GABPB1: variants seen among roughly 807,000 people sequenced by gnomAD.
The protein encoded by GABPB1 is GA-binding protein subunit beta-1.
GABPB1 carries 15 observed loss-of-function variants against 45.9 expected under a neutral mutation model. The ratio of observed to expected loss-of-function variants is 0.33; its 90% CI spans 0.22 to 0.50. The LOEUF (loss-of-function observed/expected upper bound fraction) is 0.50. GABPB1 is among the 20% of genes least tolerant of loss of function. The probability of loss-of-function intolerance (pLI) is 0.98; values close to 1 mark genes in which losing one functional copy is unlikely to be tolerated. For synonymous variants in GABPB1, 143 were observed against 154.4 expected (o/e 0.93, Z 0.55); for missense variants, 252 against 457.5 (o/e 0.55, Z 4.10).
At chr15:50,296,797 A>G (rs907823667) in intron 6 of GABPB1, among the ~76,000 whole-genome samples, 1 of 152,188 alleles carries the variant, frequency 6.6e-6, no homozygotes, top group Admixed American at 6.5e-5. Context: ...CTGGACAGCC[A>G]GAAATCAGAG....
Position 50,314,195 on chromosome 15 carries a change from A to ATTTAT in GABPB1, c.1-4398_1-4397insATAAA, listed in dbSNP as rs1555511179. Among the ~76,000 whole-genome samples the ATTTAT allele has an allele frequency of 7.9e-3, 1,185 of 149,716 alleles. 15 individuals carry two copies. The highest frequency in any genetic ancestry group is 0.028 in the African/African-American group (1,142 of 40,928). ...GATTTATTTATTTATTTATTTATTT[A>ATTTAT]TTTTTTGAGACGGAGTCTCGCTCTG... is the stretch of plus-strand genomic sequence containing the variant. On this transcript the variant is annotated intron_variant, in intron 1 of 8. Transcript: ENST00000380877.
intron 1 of GABPB1, among the ~76,000 whole-genome samples, chr15:50,338,007 T>C (rs2048207493): frequency 6.6e-6 from 1 of 152,198 alleles, no homozygotes; most frequent in African/African-American, 2.4e-5. Context: ...AAAAAAAATT[T>C]AAACTCTAAA....
chr15:50,277,400 A>G lies in GABPB1; in HGVS notation c.*1232T>C, dbSNP rs1252236931. On this transcript the variant is annotated 3_prime_UTR_variant, in exon 9 of 9. Coordinates refer to ENST00000380877, the MANE Select transcript of GABPB1 (RefSeq NM_016654.5). ...TAAAGCAATAAAACACTGAAAAATA[A>G]AGCAAGAAAAAGGGGTTTGAAGTAA... is the stretch of plus-strand genomic sequence containing the variant. 6.6e-6 allele frequency: 1 copy of G among 151,886 alleles called. No homozygotes were observed. Among genetic ancestry groups the G allele is most frequent in the South Asian group, 2.1e-4 (1 of 4,822 alleles). The allele number at this position is 151,886 out of a possible 1,614,324, so 9.4% of individuals were successfully genotyped here. A position where few individuals can be genotyped will look rare whatever the true frequency, so the allele number is the denominator to read the frequency against.
intron 8 of GABPB1, among the ~76,000 whole-genome samples, chr15:50,280,739 CAAAAGAAAAAA>C (rs976734223): frequency 6.9e-6 from 1 of 144,838 alleles, no homozygotes; most frequent in African/African-American, 2.6e-5. Flanking sequence ...GACCTTGTCT[CAAAAGAAAAAA>C]AAAAGAAAAA....
chr15:50,326,634 C>T (rs1330971730), intron 1 of GABPB1, among the ~76,000 whole-genome samples: 1 of 152,008 alleles, frequency 6.6e-6, no homozygotes, highest in Admixed American at 6.5e-5. Context: ...TGCACTCCAG[C>T]CTGGGCAACA....
At chr15:50,293,554 C>T (rs546671462) in intron 6 of GABPB1, among the ~76,000 whole-genome samples, 71 of 152,226 alleles carry the variant, frequency 4.7e-4, no homozygotes, top group African/African-American at 1.7e-3. Flanking sequence ...TTCAACAGAG[C>T]TACTACTAGG....
intron 1 of GABPB1, chr15:50,354,158 C>T: frequency 6.4e-6 from 2 of 311,272 alleles, no homozygotes; most frequent in South Asian, 2.3e-5. Flanking sequence ...TTCACCGAAA[C>T]ACACTAAACA....
intron 1 of GABPB1, among the ~76,000 whole-genome samples, chr15:50,323,442 A>T (rs2047644527): frequency 6.6e-6 from 1 of 152,220 alleles, no homozygotes; most frequent in Non-Finnish European, 1.5e-5. Flanking sequence ...AAGAAAAAAA[A>T]CACGTGCAGA....
Position 50,351,001 on chromosome 15 carries a change from C to T in GABPB1, c.-1+3984G>A, listed in dbSNP as rs563601582. 3 of 152,138 alleles carry T rather than the reference C, an allele frequency of 2.0e-5. 1 individual carries two copies. Among genetic ancestry groups the T allele is most frequent in the South Asian group, 4.1e-4 (2 of 4,824 alleles). 9.4% of individuals were successfully genotyped at this position (152,138 alleles called of 1,614,324 possible). A position where few individuals can be genotyped will look rare whatever the true frequency, so the allele number is the denominator to read the frequency against. ...CCATTTCTCTCATGATCAAGGTCCT[C>T]GTTTATGCTCTACAGATAAGTGATT... On this transcript the variant is annotated intron_variant, in intron 1 of 8. Transcript: ENST00000380877.
At chr15:50,291,696 G>A (rs1432566024) in intron 6 of GABPB1, among the ~76,000 whole-genome samples, 1 of 151,656 alleles carries the variant, frequency 6.6e-6, no homozygotes, top group Non-Finnish European at 1.5e-5. Context: ...GAGGCAGGAT[G>A]ATCACTTGAG....
chr15:50,353,358 G>A (rs2048929880), intron 1 of GABPB1: 1 of 151,974 alleles, frequency 6.6e-6, no homozygotes, highest in East Asian at 1.9e-4. Context: ...TATGGTGAAA[G>A]CACGGTAAGA....
intron 1 of GABPB1, among the ~76,000 whole-genome samples, chr15:50,341,757 C>T (rs1194724726): frequency 6.6e-6 from 1 of 152,048 alleles, no homozygotes; most frequent in Admixed American, 6.6e-5. Context: ...TCCTCTAGGG[C>T]ACAATTGAGG....
chr15:50,320,050 A>C (rs1271141200), intron 1 of GABPB1, among the ~76,000 whole-genome samples: 1 of 152,168 alleles, frequency 6.6e-6, no homozygotes, highest in Non-Finnish European at 1.5e-5. Context: ...AAAACACACA[A>C]AGGGGTCAGG....
chr15:50,348,502 C>G (rs1291286117), intron 1 of GABPB1, among the ~76,000 whole-genome samples: 1 of 151,804 alleles, frequency 6.6e-6, no homozygotes, highest in Non-Finnish European at 1.5e-5. Flanking sequence ...CCGCCCGCCT[C>G]GGCCTCCCAA....
At chr15:50,328,186 C>T (rs2047835318) in intron 1 of GABPB1, among the ~76,000 whole-genome samples, 1 of 151,724 alleles carries the variant, frequency 6.6e-6, no homozygotes, top group Non-Finnish European at 1.5e-5. Flanking sequence ...ATATACCCAT[C>T]ATTGACATTC....
intron 1 of GABPB1, among the ~76,000 whole-genome samples, chr15:50,318,447 T>C (rs2047429097): frequency 6.6e-6 from 1 of 152,186 alleles, no homozygotes; most frequent in African/African-American, 2.4e-5. Flanking sequence ...AAATGATATT[T>C]TCAAATATTA....
chr15:50,344,753 G>A (rs948442901), intron 1 of GABPB1, among the ~76,000 whole-genome samples: 4 of 152,072 alleles, frequency 2.6e-5, no homozygotes, highest in African/African-American at 9.7e-5. Context: ...CAGGACAATC[G>A]CTTGAACCTA....
chr15:50,347,809 A>G (rs1041237312), intron 1 of GABPB1, among the ~76,000 whole-genome samples: 2 of 152,152 alleles, frequency 1.3e-5, no homozygotes, highest in Non-Finnish European at 2.9e-5. Context: ...TAATCTCAGC[A>G]CTTTGGGAGG....
At chr15:50,339,279 C>T (rs2048259386) in intron 1 of GABPB1, among the ~76,000 whole-genome samples, 1 of 152,158 alleles carries the variant, frequency 6.6e-6, no homozygotes, top group South Asian at 2.1e-4. Flanking sequence ...GATCACACTG[C>T]TGCACTCCAG....
Sources: gnomAD v4.1 joint callset for allele counts (sites outside exome capture counted in the v4.1 genomes callset) on GRCh38, gnomAD v4.1.1 for gene constraint, MANE v1.5 for transcripts, NCBI Gene and HGNC (gene_info 2026-07-23, HGNC 2026-07-21) for gene names.